LYPLAL1: variants seen among roughly 807,000 people sequenced by gnomAD.
The protein encoded by LYPLAL1 is lysophospholipase like 1.
A neutral mutation model predicts 19.7 loss-of-function variants in LYPLAL1; 23 were observed. The ratio of observed to expected loss-of-function variants is 1.17; its 90% confidence interval spans 0.84 to 1.65. The LOEUF is 1.65. Among genes scored for constraint, LYPLAL1 ranks in the 40% most tolerant of loss-of-function variants. The probability of loss-of-function intolerance (pLI) is 0.00; values close to 1 mark genes in which losing one functional copy is unlikely to be tolerated. For missense variants in LYPLAL1, 355 were observed against 279.4 expected, an observed-to-expected ratio of 1.27 and a Z score of -1.93; for synonymous variants, 119 against 96.3, an observed-to-expected ratio of 1.24 and a Z score of -1.38.
chr1:219,357,832 A>T, the LYPLAL1 span, among the ~76,000 whole-genome samples: 1 of 152,226 alleles, frequency 6.6e-6, no homozygotes, highest in Non-Finnish European at 1.5e-5. Context: ...GTACATGCAT[A>T]CAATGGAATA....
At chr1:219,443,698 C>G in the LYPLAL1 span, among the ~76,000 whole-genome samples, 1 of 151,170 alleles carries the variant, frequency 6.6e-6, no homozygotes, top group East Asian at 1.9e-4. Flanking sequence ...CACCAAACTT[C>G]TAAAGAAAGA....
chr1:219,341,912 T>C, the LYPLAL1 span, among the ~76,000 whole-genome samples: 393 of 152,280 alleles, frequency 2.6e-3, 2 homozygotes, highest in African/African-American at 8.1e-3. Flanking sequence ...CTAATAGATT[T>C]GTTTTACTGA....
chr1:219,341,520 T>C, the LYPLAL1 span, among the ~76,000 whole-genome samples: 2 of 152,106 alleles, frequency 1.3e-5, no homozygotes, highest in Non-Finnish European at 2.9e-5. Context: ...GTCAACTTGA[T>C]AAATTGTAAG....
intron 3 of LYPLAL1, chr1:219,198,595 G>T (rs1657808408): frequency 1.3e-5 from 2 of 151,942 alleles, no homozygotes; most frequent in Non-Finnish European, 2.9e-5. Flanking sequence ...GGTTCTTCCA[G>T]AATAATTTTT....
the LYPLAL1 span, among the ~76,000 whole-genome samples, chr1:219,418,040 G>A: frequency 2.6e-5 from 4 of 152,148 alleles, no homozygotes; most frequent in Non-Finnish European, 5.9e-5. Context: ...GACAAAACAA[G>A]TAGGACCTGA....
At chr1:219,275,474 GTATTA>G in the LYPLAL1 span, among the ~76,000 whole-genome samples, 3 of 142,742 alleles carry the variant, frequency 2.1e-5, no homozygotes, top group African/African-American at 5.0e-5. Flanking sequence ...ACAATAGACT[GTATTA>G]TATTAACTCT....
At chr1:219,411,976 T>C in the LYPLAL1 span, 1 of 152,988 alleles carries the variant, frequency 6.5e-6, no homozygotes, top group African/African-American at 2.4e-5. Context: ...TAGAATAATA[T>C]TGCAAATGGA....
the LYPLAL1 span, among the ~76,000 whole-genome samples, chr1:219,316,189 C>T: frequency 6.6e-6 from 1 of 152,134 alleles, no homozygotes; most frequent in Non-Finnish European, 1.5e-5. Flanking sequence ...GTTTTTTCTG[C>T]ATCAATTAAA....
At chr1:219,333,392 C>T in the LYPLAL1 span, among the ~76,000 whole-genome samples, 1 of 151,866 alleles carries the variant, frequency 6.6e-6, no homozygotes, top group South Asian at 2.1e-4. Context: ...TCAGGAGTTG[C>T]ACAGTAGGCA....
At chr1:219,295,057 C>T in the LYPLAL1 span, among the ~76,000 whole-genome samples, 1 of 152,052 alleles carries the variant, frequency 6.6e-6, no homozygotes, top group African/African-American at 2.4e-5. Flanking sequence ...AATTGAGTGC[C>T]CTCTTTGGTC....
chr1:219,305,207 CA>C, the LYPLAL1 span, among the ~76,000 whole-genome samples: 2 of 151,842 alleles, frequency 1.3e-5, no homozygotes, highest in East Asian at 3.9e-4. Flanking sequence ...GGAGAGATCA[CA>C]AAAGAAAAAT....
At chr1:219,427,024 C>G in the LYPLAL1 span, among the ~76,000 whole-genome samples, 45 of 152,284 alleles carry the variant, frequency 3.0e-4, no homozygotes, top group African/African-American at 1.1e-3. Flanking sequence ...ACCTCCTAGC[C>G]CCATATTATA....
At chr1:219,325,427 T>C in the LYPLAL1 span, among the ~76,000 whole-genome samples, 2 of 152,176 alleles carry the variant, frequency 1.3e-5, no homozygotes, top group African/African-American at 4.8e-5. Context: ...AAAATTTCCA[T>C]GCAAAGAAAA....
chr1:219,359,229 C>T, the LYPLAL1 span, among the ~76,000 whole-genome samples: 4 of 152,144 alleles, frequency 2.6e-5, no homozygotes, highest in Admixed American at 2.0e-4. Flanking sequence ...GCGGGTGTCA[C>T]AGACCATTTT....
the LYPLAL1 span, among the ~76,000 whole-genome samples, chr1:219,221,437 A>C: frequency 7.9e-5 from 12 of 152,292 alleles, no homozygotes; most frequent in African/African-American, 2.9e-4. Flanking sequence ...TCTATTTGAC[A>C]AGTGAGCTTT....
the LYPLAL1 span, among the ~76,000 whole-genome samples, chr1:219,436,313 T>G: frequency 5.3e-5 from 8 of 152,326 alleles, no homozygotes; most frequent in South Asian, 1.4e-3. Flanking sequence ...GTGGGCCCCC[T>G]TTTCCATAAA....
downstream of LYPLAL1, among the ~76,000 whole-genome samples, chr1:219,217,434 C>T (rs1460315688): frequency 1.9e-5 from 2 of 103,132 alleles, no homozygotes; most frequent in Admixed American, 1.2e-4. Context: ...TCTTTCTTCA[C>T]GGACTGAGTT....
chr1:219,287,546 C>T, the LYPLAL1 span, among the ~76,000 whole-genome samples: 1 of 152,208 alleles, frequency 6.6e-6, no homozygotes, highest in South Asian at 2.1e-4. Flanking sequence ...GACGCCTACA[C>T]ATCTATGAGA....
the LYPLAL1 span, among the ~76,000 whole-genome samples, chr1:219,382,044 C>G: frequency 1.3e-5 from 2 of 152,182 alleles, no homozygotes; most frequent in Admixed American, 6.5e-5. Flanking sequence ...TCCTTTCTGA[C>G]AAGAATACCT....
Sources: allele counts gnomAD v4.1 joint callset (sites outside exome capture counted in the v4.1 genomes callset), GRCh38; gene constraint gnomAD v4.1.1; transcripts MANE v1.5; gene names NCBI Gene and HGNC (gene_info 2026-07-23, HGNC 2026-07-21).